SNX13: variants seen among roughly 807,000 people sequenced by gnomAD.
The protein encoded by SNX13 is sorting nexin 13, also known as sorting nexin-13.
SNX13 carries 45 observed loss-of-function variants against 133.6 expected under a neutral mutation model. The ratio of observed to expected loss-of-function variants is 0.34; its 90% CI spans 0.27 to 0.43. SNX13 has a LOEUF of 0.43. Among genes scored for constraint, SNX13 ranks in the 20% least tolerant of loss-of-function variants. The probability of loss-of-function intolerance (pLI) is 1.00; values close to 1 mark genes in which losing one functional copy is unlikely to be tolerated. For missense variants in SNX13, 1,032 were observed against 1,145.1 expected, an observed-to-expected ratio of 0.90 and a Z score of 1.43; for synonymous variants, 414 against 373.9, an observed-to-expected ratio of 1.11 and a Z score of -1.24.
rs181154667 is a variant in SNX13 at position 17,872,672 on chromosome 7, T to C, written c.753+856A>G. Among the ~76,000 whole-genome samples, 5 of 152,348 alleles carry C rather than the reference T, an allele frequency of 3.3e-5. No homozygotes were observed. In the East Asian group the frequency reaches 9.6e-4, roughly 29 times the overall value. ...AAGCTAGGTAGATGTTAGGAAATTG[T>C]ATGGTATGGCTTATAAACAATAACA... On this transcript the variant is annotated intron_variant, in intron 8 of 25. Coordinates refer to ENST00000428135, the MANE Select transcript of SNX13 (RefSeq NM_015132.5).
At chr7:17,853,681 C>A (rs183569595) in intron 9 of SNX13, among the ~76,000 whole-genome samples, 207 of 152,302 alleles carry the variant, frequency 1.4e-3, no homozygotes, top group African/African-American at 4.6e-3. Context: ...CAGTGGCTCA[C>A]GCCTGTAATC....
intron 12 of SNX13, among the ~76,000 whole-genome samples, chr7:17,840,866 G>A (rs1319634786): frequency 1.3e-5 from 2 of 152,086 alleles, no homozygotes; most frequent in African/African-American, 4.8e-5. Context: ...AGAATCTGAT[G>A]TAACTAATTT....
In SNX13 at chr7:17,839,996, G is replaced by A. The variant is rs755249410; in HGVS notation, c.1170C>T (p.Tyr390=). The change falls in exon 13 of 26, where the codon TAC becomes TAT. Residue 390 remains tyrosine, a synonymous_variant. Transcript: ENST00000428135. ...GTGCTTGACCTCCAGTTTGCTGCAT[G>A]TAATCTAGCAATCAAAAATCCATAA... ...DNVALQFFMD[Y]MQQTGGQAHL... 6.2e-7 allele frequency: 1 copy of A among 1,606,354 alleles called. No individual in the cohort carries two copies. The highest frequency in any genetic ancestry group is 8.5e-7 in the Non-Finnish European group (1 of 1,176,186).
chr7:17,792,375 T>C lies in SNX13; in HGVS notation c.*1670A>G, dbSNP rs1047046217. 6.6e-6 allele frequency: 1 copy of C among 152,192 alleles called. No individual in the cohort carries two copies. Among genetic ancestry groups the C allele is most frequent in the Non-Finnish European group, 1.5e-5 (1 of 67,930 alleles). The allele number at this position is 152,192 out of a possible 1,614,324, so 9.4% of individuals were successfully genotyped here. A position where few individuals can be genotyped will look rare whatever the true frequency, so the allele number is the denominator to read the frequency against. On this transcript the variant is annotated 3_prime_UTR_variant, in exon 26 of 26. Transcript: ENST00000428135. ...TTGCAATGAAAGGGATTTCATTTTATGTAATTCTGAAGACATGCAACATAT... is the reference window on the plus strand; with the variant it reads ...TTGCAATGAAAGGGATTTCATTTTACGTAATTCTGAAGACATGCAACATAT...
intron 1 of SNX13, among the ~76,000 whole-genome samples, chr7:17,925,608 G>C (rs1390032599): frequency 1.3e-5 from 2 of 152,162 alleles, no homozygotes; most frequent in Non-Finnish European, 2.9e-5. Context: ...TAGTGCAGTG[G>C]TTCTCAGCCA....
intron 19 of SNX13, among the ~76,000 whole-genome samples, chr7:17,815,562 G>A (rs982905990): frequency 6.6e-6 from 1 of 152,126 alleles, no homozygotes; most frequent in Non-Finnish European, 1.5e-5. Context: ...TCCAGCCTGG[G>A]TGACAGAACA....
At chr7:17,884,037 G>A (rs910573993) in intron 5 of SNX13, among the ~76,000 whole-genome samples, 9 of 152,082 alleles carry the variant, frequency 5.9e-5, no homozygotes, top group African/African-American at 2.2e-4. Context: ...TCCTAAAATC[G>A]TTGCTGTTTG....
At chr7:17,931,325 T>C (rs562533762) in intron 1 of SNX13, among the ~76,000 whole-genome samples, 4 of 149,088 alleles carry the variant, frequency 2.7e-5, no homozygotes, top group African/African-American at 7.3e-5. Flanking sequence ...GATAACACAA[T>C]ATCACATCTT....
chr7:17,916,195 C>T (rs936300580), intron 1 of SNX13, among the ~76,000 whole-genome samples: 4 of 151,946 alleles, frequency 2.6e-5, no homozygotes, highest in Admixed American at 2.0e-4. Flanking sequence ...AGGAGATAGA[C>T]GTCCAATTAA....
At chr7:17,906,261 A>C (rs1798387791) in intron 1 of SNX13, among the ~76,000 whole-genome samples, 1 of 152,266 alleles carries the variant, frequency 6.6e-6, no homozygotes, top group Non-Finnish European at 1.5e-5. Context: ...AAAAGTCACA[A>C]TTCATTCGAC....
At chr7:17,850,780 A>C in intron 10 of SNX13, 46 bp downstream of exon 10, 1 of 1,371,304 alleles carries the variant, frequency 7.3e-7, no homozygotes, top group Non-Finnish European at 9.5e-7. Context: ...TTGAAGATAA[A>C]ATAATACTTC....
intron 23 of SNX13, 114 bp downstream of exon 23, chr7:17,798,895 T>C (rs375679994): frequency 7.8e-5 from 104 of 1,327,886 alleles, no homozygotes; most frequent in Non-Finnish European, 1.0e-4. Context: ...AATGATGTCC[T>C]TAAAAGGCCC....
chr7:17,796,081 T>G (rs892584885), intron 25 of SNX13: 7 of 151,704 alleles, frequency 4.6e-5, no homozygotes, highest in Non-Finnish European at 5.9e-5. Flanking sequence ...AGAAAAGACA[T>G]GCAGGCATTT....
chr7:17,881,635 G>A (rs1795365151), intron 5 of SNX13: 1 of 152,072 alleles, frequency 6.6e-6, no homozygotes, highest in African/African-American at 2.4e-5. Flanking sequence ...GAAAGCAACT[G>A]AGTGGCTTAT....
chr7:17,927,354 C>G (rs182245445), intron 1 of SNX13, among the ~76,000 whole-genome samples: 1 of 151,874 alleles, frequency 6.6e-6, no homozygotes, highest in African/African-American at 2.4e-5. Flanking sequence ...GCAATCCTCC[C>G]GCCTCAGCCT....
rs769576629 is a variant in SNX13 at position 17,794,104 on chromosome 7, T to C, written c.2815A>G (p.Met939Val). 1.5e-5 allele frequency: 24 copies of C among 1,611,728 alleles called. No individual in the cohort carries two copies. Among genetic ancestry groups the C allele is most frequent in the Admixed American group, 1.2e-4 (7 of 59,738 alleles). The change falls in exon 26 of 26, where the codon ATG becomes GTG. Residue 939 changes from methionine to valine, a missense_variant. Coordinates refer to ENST00000428135, the MANE Select transcript of SNX13 (RefSeq NM_015132.5). Reference protein sequence around the residue: ...FNKLHSRSKQMQKYKQKLQTT... With the variant: ...FNKLHSRSKQVQKYKQKLQTT... ...TGAAGTTTCTGTTTATATTTCTGCA[T>C]CTGCTTTGACCGTGAATGCAGTTTG...
intron 1 of SNX13, among the ~76,000 whole-genome samples, chr7:17,902,326 C>A (rs1368584270): frequency 7.2e-6 from 1 of 139,680 alleles, no homozygotes; most frequent in African/African-American, 2.7e-5. Context: ...CCACAGACTA[C>A]AAAAATTAGG....
intron 1 of SNX13, among the ~76,000 whole-genome samples, chr7:17,903,635 TAAA>T (rs1463850857): frequency 6.6e-6 from 1 of 152,096 alleles, no homozygotes; most frequent in African/African-American, 2.4e-5. Context: ...AGTTAAACAA[TAAA>T]AAAGTTTTTA....
intron 9 of SNX13, among the ~76,000 whole-genome samples, chr7:17,859,382 A>G (rs1252825661): frequency 6.6e-6 from 1 of 152,126 alleles, no homozygotes; most frequent in African/African-American, 2.4e-5. Flanking sequence ...CAATTCACAC[A>G]TACTAGAGAA....
Sources: allele counts gnomAD v4.1 joint callset (sites outside exome capture counted in the v4.1 genomes callset), GRCh38; gene constraint gnomAD v4.1.1; transcripts MANE v1.5; gene names NCBI Gene and HGNC (gene_info 2026-07-23, HGNC 2026-07-21).